ZNF737: variants seen among roughly 807,000 people sequenced by gnomAD.
ZNF737 encodes zinc finger protein 102 (Y3).
ZNF737 carries 13 observed loss-of-function variants against 11.7 expected under a neutral mutation model. The observed-to-expected ratio is 1.11, with a 90% CI of 0.73 to 1.77. The LOEUF is 1.77. Ranked by LOEUF, ZNF737 falls within the 40% of genes most tolerant of loss-of-function variation. The pLI, the probability that ZNF737 is intolerant of heterozygous loss-of-function variation, is 0.00. For missense variants in ZNF737, 636 were observed against 638.0 expected (o/e 1.00, Z 0.03); for synonymous variants, 217 against 216.2 (o/e 1.00, Z -0.03).
At chr19:20,565,499 A>G in intron 1 of ZNF737, 139 bp downstream of exon 1, 1 of 1,465,072 alleles carries the variant, frequency 6.8e-7, no homozygotes, top group Admixed American at 1.7e-5. Flanking sequence ...AACGGGACTG[A>G]GGCCGAGCTG....
At chr19:20,547,394 A>C (rs1269641604) in intron 3 of ZNF737, among the ~76,000 whole-genome samples, 1 of 151,364 alleles carries the variant, frequency 6.6e-6, no homozygotes, top group Non-Finnish European at 1.5e-5. Flanking sequence ...AAAAAAAAAA[A>C]AAAAAAACAC....
chr19:20,538,916 A>G lies in ZNF737; in HGVS notation c.*5676T>C. ...TTTTGTTAATTCACTCTAAATTGAG[A>G]CTACATTTACAATCTTCAGTTTTTC... is the stretch of plus-strand genomic sequence containing the variant. On this transcript the variant is annotated 3_prime_UTR_variant, in exon 4 of 4. Coordinates refer to ENST00000427401, the MANE Select transcript of ZNF737 (RefSeq NM_001159293.2). 2.0e-6 allele frequency: 2 copies of G among 985,308 alleles called. No individual in the cohort carries two copies. The highest frequency in any genetic ancestry group is 2.4e-6 in the Non-Finnish European group (2 of 829,808). 61.0% of individuals were successfully genotyped at this position (985,308 alleles called of 1,614,324 possible). A position where few individuals can be genotyped will look rare whatever the true frequency, so the allele number is the denominator to read the frequency against.
Position 20,541,107 on chromosome 19 carries a change from A to G in ZNF737, c.*3485T>C, listed in dbSNP as rs1555755029. 2 of 983,974 alleles carry G rather than the reference A, an allele frequency of 2.0e-6. No homozygotes were observed. Among genetic ancestry groups the G allele is most frequent in the African/African-American group, 1.7e-5 (1 of 57,216 alleles). 61.0% of individuals were successfully genotyped at this position (983,974 alleles called of 1,614,324 possible). ...GGGGAGAATCCGAATCACAGGCCAGAACATTTTATATTAATAAATTCAATA... is the reference window on the plus strand; with the variant it reads ...GGGGAGAATCCGAATCACAGGCCAGGACATTTTATATTAATAAATTCAATA... On this transcript the variant is annotated 3_prime_UTR_variant, in exon 4 of 4. Transcript: ENST00000427401.
rs1968190739 is a variant in ZNF737, at chr19:20,541,197, A to G, written c.*3395T>C. 1 of 982,926 alleles carries G rather than the reference A, an allele frequency of 1.0e-6. No individual in the cohort carries two copies. Among genetic ancestry groups the G allele is most frequent in the Non-Finnish European group, 1.2e-6 (1 of 827,812 alleles). 60.9% of individuals were successfully genotyped at this position (982,926 alleles called of 1,614,324 possible). On this transcript the variant is annotated 3_prime_UTR_variant, in exon 4 of 4. Transcript: ENST00000427401. ...GTGTTTAGTTTTGTTAATCACCTAA[A>G]TAACATAATTTGTTTTGTTGCAGTA... is the stretch of plus-strand genomic sequence containing the variant.
At chr19:20,564,150 G>C (rs2878676) in intron 1 of ZNF737, 115,833 of 151,942 alleles carry the variant, frequency 0.76, 44,234 homozygotes, top group East Asian at 0.82. Context: ...TGTTGACAGA[G>C]CGAGACTCTG....
downstream of ZNF737, among the ~76,000 whole-genome samples, chr19:20,533,881 C>T (rs1967888815): frequency 6.7e-6 from 1 of 150,122 alleles, no homozygotes; most frequent in African/African-American, 2.5e-5. Flanking sequence ...ATCACTTGGG[C>T]TGAGCTAATT....
chr19:20,558,889 C>G (rs782288377), intron 1 of ZNF737, among the ~76,000 whole-genome samples: 12 of 152,170 alleles, frequency 7.9e-5, no homozygotes, highest in Non-Finnish European at 1.6e-4. Context: ...ATGCCACCCT[C>G]CTATAACCAT....
intron 2 of ZNF737, among the ~76,000 whole-genome samples, chr19:20,552,789 GA>G (rs1245287661): frequency 1.3e-5 from 2 of 152,060 alleles, no homozygotes; most frequent in East Asian, 3.9e-4. Flanking sequence ...CAAGGTGGGT[GA>G]ATCACGAGGT....
chr19:20,554,838 G>A (rs757477246), intron 1 of ZNF737, among the ~76,000 whole-genome samples: 4 of 150,620 alleles, frequency 2.7e-5, no homozygotes, highest in Non-Finnish European at 5.9e-5. Flanking sequence ...GGTAATAAAT[G>A]GCATCCCATT....
Position 20,565,633 on chromosome 19 carries a change from C to T in ZNF737, c.3+5G>A. On this transcript the variant is annotated splice_donor_5th_base_variant and intron_variant, in intron 1 of 3. Transcript: ENST00000427401. ...TCTCTCGGGATGTCGGACCGGCACT[C>T]TCACCATTTCTAGGCTTCCAGGGGC... 1.2e-6 allele frequency: 2 copies of T among 1,614,234 alleles called. No homozygotes were observed. Among genetic ancestry groups the T allele is most frequent in the Non-Finnish European group, 1.7e-6 (2 of 1,180,044 alleles).
At chr19:20,560,420 C>T (rs1969048002) in intron 1 of ZNF737, among the ~76,000 whole-genome samples, 2 of 111,806 alleles carry the variant, frequency 1.8e-5, no homozygotes, top group Admixed American at 1.8e-4. Flanking sequence ...TACTCTGTGG[C>T]CATTAAAAAA....
chr19:20,536,995 A>G (rs1555753994), downstream of ZNF737, among the ~76,000 whole-genome samples: 1 of 151,290 alleles, frequency 6.6e-6, no homozygotes, highest in African/African-American at 2.4e-5. Context: ...CCCAGCTACT[A>G]GGGAGGCTGA....
chr19:20,551,490 A>C, intron 3 of ZNF737, among the ~76,000 whole-genome samples: 1 of 151,878 alleles, frequency 6.6e-6, no homozygotes, highest in East Asian at 1.9e-4. Context: ...AAGAAAAATA[A>C]GTAAAAGTTG....
downstream of ZNF737, among the ~76,000 whole-genome samples, chr19:20,533,017 G>A (rs1967867081): frequency 6.7e-6 from 1 of 150,096 alleles, no homozygotes; most frequent in African/African-American, 2.5e-5. Context: ...CTTGATGAAA[G>A]TTCTAAAGAG....
At chr19:20,561,271 A>G (rs1450241305) in intron 1 of ZNF737, among the ~76,000 whole-genome samples, 46 of 152,302 alleles carry the variant, frequency 3.0e-4, no homozygotes, top group African/African-American at 8.9e-4. Context: ...GGGTGGGGAT[A>G]CGCCAGGAGA....
chr19:20,547,636 A>G (rs1390382149), intron 3 of ZNF737, among the ~76,000 whole-genome samples: 1 of 152,190 alleles, frequency 6.6e-6, no homozygotes, highest in African/African-American at 2.4e-5. Context: ...TTTAAATAAA[A>G]TGCTTAAACA....
In ZNF737 at chr19:20,538,632, A is replaced by G; in HGVS notation, c.*5960T>C. 2 of 983,716 alleles carry G rather than the reference A, an allele frequency of 2.0e-6. No individual in the cohort carries two copies. Among genetic ancestry groups the G allele is most frequent in the Non-Finnish European group, 2.4e-6 (2 of 828,348 alleles). The allele number at this position is 983,716 out of a possible 1,614,324, so 60.9% of individuals were successfully genotyped here. On this transcript the variant is annotated 3_prime_UTR_variant, in exon 4 of 4. Coordinates refer to ENST00000427401, the MANE Select transcript of ZNF737 (RefSeq NM_001159293.2). Reference sequence around the variant, plus strand: ...CTATTTCTTTACAGCTCCAGAGAACAAACATTTCTAAAACCATTATGGACC... The same window carrying G: ...CTATTTCTTTACAGCTCCAGAGAACGAACATTTCTAAAACCATTATGGACC...
chr19:20,556,497 C>T lies in ZNF737; in HGVS notation c.4-2662G>A, dbSNP rs1311579964. Among the ~76,000 whole-genome samples the T allele has an allele frequency of 2.6e-5, 4 of 152,328 alleles. No homozygotes were observed. The East Asian group carries it at 7.7e-4, about 29-fold the overall frequency. Reference sequence around the variant, plus strand: ...AATTCACTTGGTAATTTTAGCTCCACTTTATGTAATGTGATTCTGCAGGTT... The same window carrying T: ...AATTCACTTGGTAATTTTAGCTCCATTTTATGTAATGTGATTCTGCAGGTT... On this transcript the variant is annotated intron_variant, in intron 1 of 3. Coordinates refer to ENST00000427401, the MANE Select transcript of ZNF737 (RefSeq NM_001159293.2).
At chr19:20,560,220 G>A (rs535388599) in intron 1 of ZNF737, among the ~76,000 whole-genome samples, 8 of 150,234 alleles carry the variant, frequency 5.3e-5, no homozygotes, top group South Asian at 2.1e-4. Context: ...GGTAATGCCC[G>A]CGTGTAGTCC....
Sources: allele counts gnomAD v4.1 joint callset (sites outside exome capture counted in the v4.1 genomes callset), GRCh38; gene constraint gnomAD v4.1.1; transcripts MANE v1.5; gene names NCBI Gene and HGNC (gene_info 2026-07-23, HGNC 2026-07-21).